Variants in SLC24A3 observed in about 807,000 individuals in gnomAD.
The protein encoded by SLC24A3 is solute carrier family 24 member 3, also known as sodium/potassium/calcium exchanger 3.
SLC24A3 carries 28 observed loss-of-function variants against 75.8 expected under a neutral mutation model. The observed-to-expected ratio is 0.37, with a 90% CI of 0.27 to 0.51. The LOEUF (loss-of-function observed/expected upper bound fraction) is 0.51. SLC24A3 is among the 20% of genes least tolerant of loss of function. SLC24A3 has a pLI of 0.94. For synonymous variants in SLC24A3, 372 were observed against 334.1 expected (o/e 1.11, Z -1.24); for missense variants, 663 against 847.8 (o/e 0.78, Z 2.71).
chr20:19,613,468 T>C (rs1461284822), intron 6 of SLC24A3, among the ~76,000 whole-genome samples: 1 of 152,250 alleles, frequency 6.6e-6, no homozygotes, highest in Non-Finnish European at 1.5e-5. Flanking sequence ...AAGAGTTCTT[T>C]TTTAGAGTAT....
chr20:19,577,506 A>C (rs2031157565), intron 3 of SLC24A3, among the ~76,000 whole-genome samples: 1 of 152,206 alleles, frequency 6.6e-6, no homozygotes, highest in African/African-American at 2.4e-5. Flanking sequence ...TCTTACCTCT[A>C]AAATCTCCCA....
chr20:19,415,315 A>T (rs1307587443), intron 2 of SLC24A3, among the ~76,000 whole-genome samples: 1 of 152,244 alleles, frequency 6.6e-6, no homozygotes, highest in Non-Finnish European at 1.5e-5. Context: ...CCTGCATGTT[A>T]TTCCAGAACT....
At chr20:19,662,083 C>A (rs2032332948) in intron 7 of SLC24A3, among the ~76,000 whole-genome samples, 1 of 152,072 alleles carries the variant, frequency 6.6e-6, no homozygotes, top group South Asian at 2.1e-4. Flanking sequence ...CAGGGCGAAG[C>A]CAAGGGTATC....
At chr20:19,294,948 A>G (rs1225267968) in intron 2 of SLC24A3, among the ~76,000 whole-genome samples, 1 of 152,128 alleles carries the variant, frequency 6.6e-6, no homozygotes, top group Non-Finnish European at 1.5e-5. Flanking sequence ...ACCAGCATCT[A>G]TTTTAACAAT....
At chr20:19,551,725 C>T (rs1180878181) in intron 3 of SLC24A3, among the ~76,000 whole-genome samples, 1 of 152,130 alleles carries the variant, frequency 6.6e-6, no homozygotes, top group Non-Finnish European at 1.5e-5. Context: ...TGGCAGAAGG[C>T]TCTTCCCTCC....
At chr20:19,495,932 T>C (rs571817098) in intron 2 of SLC24A3, among the ~76,000 whole-genome samples, 2 of 152,352 alleles carry the variant, frequency 1.3e-5, no homozygotes, top group Non-Finnish European at 2.9e-5. Flanking sequence ...GGATTCTGTT[T>C]GGCTCTTTGG....
intron 2 of SLC24A3, among the ~76,000 whole-genome samples, chr20:19,461,600 T>C (rs529220142): frequency 1.5e-4 from 22 of 149,336 alleles, no homozygotes; most frequent in Admixed American, 8.8e-4. Context: ...TGGCACAATC[T>C]TGGCTCACTG....
At chr20:19,378,771 C>T (rs1450974111) in intron 2 of SLC24A3, among the ~76,000 whole-genome samples, 1 of 152,118 alleles carries the variant, frequency 6.6e-6, no homozygotes, top group Non-Finnish European at 1.5e-5. Flanking sequence ...TCTGTTTTCT[C>T]ATTCCACAGT....
chr20:19,580,178 G>A lies in SLC24A3; in HGVS notation c.423+104G>A, dbSNP rs146690449. ...CCAAAGTCCTGGGGAGCCCTCGCAG[G>A]GCAGCTGCAGCGGGAACACCAGGCA... On this transcript the variant is annotated intron_variant, in intron 4 of 16. Transcript: ENST00000328041. 4.6e-4 allele frequency: 419 copies of A among 905,006 alleles called. 3 individuals carry two copies. In the African/African-American group the frequency reaches 6.4e-3, roughly 14 times the overall value. The allele number at this position is 905,006 out of a possible 1,614,324, so 56.1% of individuals were successfully genotyped here.
At chr20:19,565,777 C>T (rs1466610899) in intron 3 of SLC24A3, among the ~76,000 whole-genome samples, 3 of 152,166 alleles carry the variant, frequency 2.0e-5, no homozygotes, top group African/African-American at 7.2e-5. Context: ...AATTCTGCAT[C>T]TTCAGTGCCT....
At chr20:19,233,090 G>A (rs972230661) in intron 1 of SLC24A3, among the ~76,000 whole-genome samples, 2 of 152,158 alleles carry the variant, frequency 1.3e-5, no homozygotes, top group African/African-American at 4.8e-5. Context: ...CTTGACAGTT[G>A]CTTCGGTTTT....
At chr20:19,553,062 C>CTTCT (rs2030723640) in intron 3 of SLC24A3, among the ~76,000 whole-genome samples, 2 of 100,248 alleles carry the variant, frequency 2.0e-5, no homozygotes, top group Non-Finnish European at 4.5e-5. Context: ...TCCTTCCCTC[C>CTTCT]TTCCTTCCCT....
At chr20:19,578,286 A>G (rs1283289892) in intron 3 of SLC24A3, among the ~76,000 whole-genome samples, 1 of 151,582 alleles carries the variant, frequency 6.6e-6, no homozygotes, top group Non-Finnish European at 1.5e-5. Context: ...GTGTGCATAC[A>G]TGCTTGCGTG....
intron 2 of SLC24A3, among the ~76,000 whole-genome samples, chr20:19,336,472 G>A (rs1329358286): frequency 6.6e-6 from 1 of 151,756 alleles, no homozygotes; most frequent in Non-Finnish European, 1.5e-5. Flanking sequence ...TGCAACCTCC[G>A]CCTCCCGGGT....
chr20:19,680,633 T>C (rs1568695997), intron 9 of SLC24A3, among the ~76,000 whole-genome samples: 1 of 152,266 alleles, frequency 6.6e-6, no homozygotes, highest in East Asian at 1.9e-4. Context: ...ACTAGTTTTC[T>C]GTTCTCTCTC....
intron 2 of SLC24A3, among the ~76,000 whole-genome samples, chr20:19,381,433 G>A (rs1014888509): frequency 5.9e-5 from 9 of 152,192 alleles, no homozygotes; most frequent in African/African-American, 1.9e-4. Flanking sequence ...CCTCTTTGAA[G>A]AGGCACTGTG....
chr20:19,329,573 T>C (rs1984950518), intron 2 of SLC24A3, among the ~76,000 whole-genome samples: 1 of 152,368 alleles, frequency 6.6e-6, no homozygotes, highest in South Asian at 2.1e-4. Context: ...TGTTTGATTG[T>C]TTTATTCTAT....
intron 2 of SLC24A3, among the ~76,000 whole-genome samples, chr20:19,375,516 A>G (rs1335997750): frequency 6.6e-6 from 1 of 152,214 alleles, no homozygotes; most frequent in Non-Finnish European, 1.5e-5. Context: ...CTGGCCTGGG[A>G]AGACAGATTT....
intron 2 of SLC24A3, among the ~76,000 whole-genome samples, chr20:19,397,293 A>T (rs2122397884): frequency 6.6e-6 from 1 of 152,326 alleles, no homozygotes; most frequent in Middle Eastern, 3.4e-3. Flanking sequence ...TTCTCCTCTC[A>T]AGATACACGC....
Sources: gnomAD v4.1 joint callset for allele counts (sites outside exome capture counted in the v4.1 genomes callset) on GRCh38, gnomAD v4.1.1 for gene constraint, MANE v1.5 for transcripts, NCBI Gene and HGNC (gene_info 2026-07-23, HGNC 2026-07-21) for gene names.